The following EDIL3 variants were observed in gnomAD, a reference collection of about 807,000 sequenced individuals.
EDIL3 encodes EGF-like repeat and discoidin I-like domain-containing protein 3.
In EDIL3, 37 loss-of-function variants were observed where a neutral mutation model predicts 67.4. The ratio of observed to expected loss-of-function variants is 0.55; its 90% CI spans 0.42 to 0.72. The LOEUF (loss-of-function observed/expected upper bound fraction) is 0.72, where lower values mean the gene tolerates loss of function less well. Among genes scored for constraint, EDIL3 ranks in the 30% least tolerant of loss-of-function variants. The pLI is 0.00. For missense variants in EDIL3, 527 were observed against 586.3 expected (o/e 0.90, Z 1.04); for synonymous variants, 195 against 196.3 (o/e 0.99, Z 0.05).
intron 4 of EDIL3, among the ~76,000 whole-genome samples, chr5:84,175,507 C>A (rs565844333): frequency 6.6e-6 from 1 of 152,284 alleles, no homozygotes; most frequent in South Asian, 2.1e-4. Context: ...TAACACACAT[C>A]TGTTTAGAGA....
chr5:84,122,094 A>G (rs1747785802), intron 5 of EDIL3, among the ~76,000 whole-genome samples: 1 of 151,898 alleles, frequency 6.6e-6, no homozygotes, highest in African/African-American at 2.4e-5. Context: ...CATTTTACCC[A>G]TTCTCACCTC....
At chr5:84,030,696 C>T (rs1007555335) in intron 9 of EDIL3, among the ~76,000 whole-genome samples, 1 of 152,138 alleles carries the variant, frequency 6.6e-6, no homozygotes, top group African/African-American at 2.4e-5. Flanking sequence ...TAATAGCAGA[C>T]TCACAGGGGA....
intron 6 of EDIL3, among the ~76,000 whole-genome samples, chr5:84,079,873 TTATTAA>T (rs2112256595): frequency 6.6e-6 from 1 of 152,154 alleles, no homozygotes; most frequent in South Asian, 2.1e-4. Context: ...TCACATTATC[TTATTAA>T]TATAAAGTAT....
chr5:84,228,128 C>A (rs947517251), intron 3 of EDIL3, among the ~76,000 whole-genome samples: 2 of 151,884 alleles, frequency 1.3e-5, no homozygotes, highest in Non-Finnish European at 2.9e-5. Flanking sequence ...TGTTCAATAG[C>A]CCATGTAGCT....
At chr5:83,961,518 G>T (rs182694728) in intron 10 of EDIL3, among the ~76,000 whole-genome samples, 1 of 151,082 alleles carries the variant, frequency 6.6e-6, no homozygotes, top group Non-Finnish European at 1.5e-5. Context: ...CAGTTTAACG[G>T]TTTAACCATA....
intron 3 of EDIL3, among the ~76,000 whole-genome samples, chr5:84,221,118 C>T (rs2112400253): frequency 6.6e-6 from 1 of 152,204 alleles, no homozygotes; most frequent in African/African-American, 2.4e-5. Flanking sequence ...GGTCACAATA[C>T]ATAATAACTA....
chr5:84,207,706 T>C (rs1281569711), intron 3 of EDIL3, among the ~76,000 whole-genome samples: 3 of 151,698 alleles, frequency 2.0e-5, no homozygotes, highest in African/African-American at 7.3e-5. Context: ...GAGATCTAGA[T>C]CAATGGAACA....
intron 7 of EDIL3, among the ~76,000 whole-genome samples, chr5:84,065,644 G>T (rs1198934869): frequency 6.6e-6 from 1 of 151,674 alleles, no homozygotes; most frequent in African/African-American, 2.4e-5. Flanking sequence ...AATATCATAA[G>T]AAAAGAAAAG....
chr5:84,046,009 G>A (rs562342502), intron 9 of EDIL3, among the ~76,000 whole-genome samples: 4 of 152,306 alleles, frequency 2.6e-5, no homozygotes, highest in Admixed American at 1.3e-4. Flanking sequence ...GAGCAAGCTC[G>A]CTGGACAGAG....
chr5:84,089,288 C>T (rs919684048), intron 6 of EDIL3, among the ~76,000 whole-genome samples: 35 of 152,190 alleles, frequency 2.3e-4, no homozygotes, highest in African/African-American at 7.2e-4. Context: ...CAACTCAATG[C>T]TATACACCCT....
At chr5:84,283,800 G>T (rs766584977) in intron 1 of EDIL3, among the ~76,000 whole-genome samples, 5 of 151,884 alleles carry the variant, frequency 3.3e-5, no homozygotes, top group Non-Finnish European at 7.4e-5. Context: ...TTGCCCACCA[G>T]GTATCTTAAG....
chr5:84,003,187 A>G (rs1745361116), intron 9 of EDIL3, among the ~76,000 whole-genome samples: 1 of 152,218 alleles, frequency 6.6e-6, no homozygotes, highest in South Asian at 2.1e-4. Context: ...GCTCTTCAAC[A>G]GGCAGGGTCC....
chr5:84,300,016 T>C (rs758139295), intron 1 of EDIL3, among the ~76,000 whole-genome samples: 31 of 152,228 alleles, frequency 2.0e-4, no homozygotes, highest in Non-Finnish European at 3.7e-4. Flanking sequence ...AATGCTGTCA[T>C]ATCAAATTAT....
chr5:84,142,322 C>T (rs1025083545), intron 4 of EDIL3, among the ~76,000 whole-genome samples: 6 of 151,886 alleles, frequency 4.0e-5, no homozygotes, highest in South Asian at 2.1e-4. Flanking sequence ...TTACAGATTC[C>T]GCTAGTTGGC....
At chr5:84,107,764 TA>T (rs1747489669) in intron 5 of EDIL3, among the ~76,000 whole-genome samples, 1 of 150,036 alleles carries the variant, frequency 6.7e-6, no homozygotes, top group Non-Finnish European at 1.5e-5. Flanking sequence ...GTATTATATA[TA>T]AAATTATATA....
chr5:84,337,587 T>C (rs1467553775), intron 1 of EDIL3, among the ~76,000 whole-genome samples: 3 of 152,128 alleles, frequency 2.0e-5, no homozygotes, highest in African/African-American at 7.2e-5. Context: ...AGAGCACATA[T>C]ACATAGAATA....
intron 3 of EDIL3, among the ~76,000 whole-genome samples, chr5:84,223,806 T>G (rs72776557): frequency 0.1 from 15,317 of 151,470 alleles, 982 homozygotes; most frequent in Middle Eastern, 0.15. Context: ...TATGAGGTGA[T>G]GGATATGTAA....
chr5:84,151,224 T>C (rs960031329), intron 4 of EDIL3, among the ~76,000 whole-genome samples: 1 of 151,838 alleles, frequency 6.6e-6, no homozygotes, highest in Non-Finnish European at 1.5e-5. Flanking sequence ...CCACATATTT[T>C]TTGTCTGTAA....
chr5:84,072,265 T>C (rs2112247027), intron 6 of EDIL3, among the ~76,000 whole-genome samples: 1 of 152,212 alleles, frequency 6.6e-6, no homozygotes, highest in Admixed American at 6.5e-5. Flanking sequence ...AGATTATACA[T>C]ATTGATAGAT....
Sources: gnomAD v4.1 joint callset for allele counts (sites outside exome capture counted in the v4.1 genomes callset) on GRCh38, gnomAD v4.1.1 for gene constraint, MANE v1.5 for transcripts, NCBI Gene and HGNC (gene_info 2026-07-23, HGNC 2026-07-21) for gene names.